The following PBX1 variants were observed in gnomAD, a reference collection of about 807,000 sequenced individuals.
The protein encoded by PBX1 is PBX homeobox 1.
Under a neutral mutation model 53.4 loss-of-function variants are expected in PBX1, and 6 were observed. The observed-to-expected ratio is 0.11, with a 90% CI of 0.06 to 0.22. The LOEUF is 0.22. Among genes scored for constraint, PBX1 ranks in the 10% least tolerant of loss-of-function variants. PBX1 has a pLI of 1.00. For missense variants in PBX1, 251 were observed against 551.4 expected (o/e 0.46, Z 5.46); for synonymous variants, 204 against 212.3 (o/e 0.96, Z 0.34).
intron 1 of PBX1, chr1:164,560,375 C>T (rs1571218828): frequency 2.5e-6 from 1 of 396,498 alleles, no homozygotes; most frequent in Non-Finnish European, 4.4e-6. Flanking sequence ...GCAGAATTGT[C>T]AAGTTTTGAA....
Position 164,665,991 on chromosome 1 carries a change from C to T in PBX1, c.265+102680C>T, listed in dbSNP as rs888725262. Among the ~76,000 whole-genome samples the T allele has an allele frequency of 2.0e-5, 3 of 152,090 alleles. No homozygotes were observed. In the East Asian group the frequency reaches 5.8e-4, roughly 29 times the overall value. On this transcript the variant is annotated intron_variant, in intron 2 of 8. Coordinates refer to ENST00000420696, the MANE Select transcript of PBX1 (RefSeq NM_002585.4). ...TAAAGTAGGGAATTATCAAAATTGT[C>T]GTGCCTTAAAGATATTAGGCAGCCA...
chr1:164,839,959 A>G (rs1671215673), intron 8 of PBX1, among the ~76,000 whole-genome samples: 1 of 151,920 alleles, frequency 6.6e-6, no homozygotes, highest in African/African-American at 2.4e-5. Context: ...GGAATCCTAG[A>G]GCCAGCAGCA....
intron 2 of PBX1, among the ~76,000 whole-genome samples, chr1:164,660,436 G>C (rs1231146488): frequency 6.6e-6 from 1 of 152,228 alleles, no homozygotes; most frequent in Non-Finnish European, 1.5e-5. Flanking sequence ...TGTGTGGTAA[G>C]ACTGGCGAAA....
chr1:164,746,678 G>A (rs1370715413), intron 2 of PBX1, among the ~76,000 whole-genome samples: 1 of 152,192 alleles, frequency 6.6e-6, no homozygotes, highest in Non-Finnish European at 1.5e-5. Context: ...AAAGTGCTGG[G>A]ATTACAGCCA....
At chr1:164,583,093 G>A (rs981614024) in intron 2 of PBX1, among the ~76,000 whole-genome samples, 1 of 152,196 alleles carries the variant, frequency 6.6e-6, no homozygotes, top group Non-Finnish European at 1.5e-5. Flanking sequence ...TGTCCTTGAG[G>A]AAGGTATGAT....
chr1:164,870,274 T>TTC (rs1672333286), intron 2 of PBX1, among the ~76,000 whole-genome samples: 4 of 23,392 alleles, frequency 1.7e-4, no homozygotes, highest in African/African-American at 5.2e-4. Flanking sequence ...TCCTTCTTTC[T>TTC]TTCTTTCTTT....
chr1:164,579,321 A>G (rs1018887824), intron 2 of PBX1, among the ~76,000 whole-genome samples: 2 of 151,734 alleles, frequency 1.3e-5, no homozygotes, highest in African/African-American at 4.9e-5. Flanking sequence ...TTTCATGCTT[A>G]GCGTCATCTT....
chr1:164,631,927 C>T (rs1027286377), intron 2 of PBX1, among the ~76,000 whole-genome samples: 1 of 152,230 alleles, frequency 6.6e-6, no homozygotes, highest in Non-Finnish European at 1.5e-5. Context: ...GCTTGTTCCA[C>T]AGGCAGAGCC....
chr1:164,882,710 G>C (rs980559084), intron 2 of PBX1, among the ~76,000 whole-genome samples: 1 of 152,128 alleles, frequency 6.6e-6, no homozygotes, highest in Admixed American at 6.5e-5. Context: ...AAAATACTGG[G>C]ATTACAGGCA....
chr1:164,870,251 T>TTCCC (rs1672324350), intron 2 of PBX1, among the ~76,000 whole-genome samples: 1 of 65,912 alleles, frequency 1.5e-5, no homozygotes, highest in Non-Finnish European at 3.0e-5. Flanking sequence ...CCTTCCTTCC[T>TTCCC]TCCTTCCTTC....
chr1:164,669,771 G>T (rs951660966), intron 2 of PBX1, among the ~76,000 whole-genome samples: 1 of 152,052 alleles, frequency 6.6e-6, no homozygotes, highest in Non-Finnish European at 1.5e-5. Flanking sequence ...CCTTTCCTTT[G>T]TGTATATCCA....
intron 2 of PBX1, among the ~76,000 whole-genome samples, chr1:164,610,556 C>T (rs907702619): frequency 6.6e-6 from 1 of 152,010 alleles, no homozygotes; most frequent in Non-Finnish European, 1.5e-5. Flanking sequence ...AGGTTAAGGT[C>T]TTCATAGAGT....
chr1:164,728,475 C>A (rs1326363114), intron 2 of PBX1, among the ~76,000 whole-genome samples: 1 of 152,100 alleles, frequency 6.6e-6, no homozygotes, highest in Non-Finnish European at 1.5e-5. Context: ...TGCTTGTTTT[C>A]CAAAAGGATA....
In PBX1 at chr1:164,870,279, T is replaced by C. The variant is rs1478973571; in HGVS notation, n.258-28909T>C. ...CTTCCTTCCTTCCTTCTTTCTTTCT[T>C]TCTTTCTTTCTTTCTTTCTTTCTTT... is the stretch of plus-strand genomic sequence containing the variant. On this transcript the variant is annotated intron_variant and non_coding_transcript_variant, in intron 2 of 2. Coordinates refer to the PBX1 transcript ENST00000558796. 1.0e-3 allele frequency among the ~76,000 whole-genome samples: 21 copies of C among 20,286 alleles called. No homozygotes were observed. The South Asian group carries it at 0.02, about 20-fold the overall frequency. The allele number at this position is 20,286 out of a possible 152,430, so 13.3% of individuals were successfully genotyped here.
Position 164,798,534 on chromosome 1 carries a change from G to T in PBX1, c.511-1165G>T, listed in dbSNP as rs546061455. 4.6e-5 allele frequency among the ~76,000 whole-genome samples: 7 copies of T among 152,348 alleles called. 1 individual carries two copies. In the South Asian group the frequency reaches 1.5e-3, roughly 32 times the overall value. ...AGGAGTAAGTTCAGACTCTAGGAAA[G>T]GACAGAGGCCCTGGCCTAAAATAGG... On this transcript the variant is annotated intron_variant, in intron 3 of 8. Coordinates refer to ENST00000420696, the MANE Select transcript of PBX1 (RefSeq NM_002585.4).
chr1:164,856,588 C>T (rs1022855655), downstream of PBX1, among the ~76,000 whole-genome samples: 1 of 152,202 alleles, frequency 6.6e-6, no homozygotes, highest in Admixed American at 6.5e-5. Flanking sequence ...CACCCAGGCT[C>T]AGCCATTACA....
At chr1:164,867,818 A>AGTGATATTGC (rs1384183557) in intron 2 of PBX1, among the ~76,000 whole-genome samples, 1 of 152,232 alleles carries the variant, frequency 6.6e-6, no homozygotes, top group Non-Finnish European at 1.5e-5. Context: ...ATAACACTGC[A>AGTGATATTGC]ATATCAGCGC....
chr1:164,783,868 G>C (rs368136037), intron 2 of PBX1, among the ~76,000 whole-genome samples: 3 of 152,266 alleles, frequency 2.0e-5, no homozygotes, highest in South Asian at 4.2e-4. Context: ...TGTGCTAGGT[G>C]CCTCACTGAG....
At chr1:164,868,706 A>T (rs1178770007) in intron 2 of PBX1, among the ~76,000 whole-genome samples, 1 of 152,194 alleles carries the variant, frequency 6.6e-6, no homozygotes, top group Non-Finnish European at 1.5e-5. Flanking sequence ...AGAGGCTTTT[A>T]TGGAAGATCT....
Sources: gnomAD v4.1 joint callset for allele counts (sites outside exome capture counted in the v4.1 genomes callset) on GRCh38, gnomAD v4.1.1 for gene constraint, MANE v1.5 for transcripts, NCBI Gene and HGNC (gene_info 2026-07-23, HGNC 2026-07-21) for gene names.